The following RIMS2 variants were observed in gnomAD, a reference collection of about 807,000 sequenced individuals.
The protein encoded by RIMS2 is regulating synaptic membrane exocytosis protein 2.
Under a neutral mutation model 174.4 loss-of-function variants are expected in RIMS2, and 59 were observed. The observed-to-expected ratio is 0.34, with a 90% CI of 0.27 to 0.42. The LOEUF is 0.42. Ranked by LOEUF, RIMS2 falls within the 10% of genes least tolerant of loss-of-function variation. The pLI, the probability that RIMS2 is intolerant of heterozygous loss-of-function variation, is 1.00. For synonymous variants in RIMS2, 606 were observed against 572.5 expected (o/e 1.06, Z -0.84); for missense variants, 1,620 against 1,666.3 (o/e 0.97, Z 0.48).
intron 2 of RIMS2, among the ~76,000 whole-genome samples, chr8:103,725,709 A>G (rs186452617): frequency 8.0e-4 from 122 of 152,294 alleles, no homozygotes; most frequent in African/African-American, 2.7e-3. Context: ...GTGGGCTTAT[A>G]TGTTTCTTTT....
intron 1 of RIMS2, among the ~76,000 whole-genome samples, chr8:103,681,532 G>T (rs2096880444): frequency 1.3e-5 from 2 of 151,690 alleles, no homozygotes; most frequent in South Asian, 4.1e-4. Context: ...TTAAAAAAGA[G>T]AATTAAAAAA....
chr8:103,603,460 G>T (rs544664510), intron 1 of RIMS2, among the ~76,000 whole-genome samples: 1 of 150,510 alleles, frequency 6.6e-6, no homozygotes, highest in Non-Finnish European at 1.5e-5. Context: ...ATAAACATAC[G>T]TGTGCATGTG....
chr8:104,234,567 A>G lies in RIMS2; in HGVS notation c.3335-10349A>G, dbSNP rs1432861867. The stretch of plus-strand genomic sequence containing the variant: ...AGCAACATCAGACAAGAAAAACAAG[A>G]AAGTACCAAAAAATTACAAATGCCA... On this transcript the variant is annotated intron_variant, in intron 19 of 23. Transcript: ENST00000504942. 5.4e-5 allele frequency among the ~76,000 whole-genome samples: 3 copies of G among 55,436 alleles called. No individual in the cohort carries two copies. In the East Asian group the frequency reaches 4.1e-3, roughly 76 times the overall value. The allele number at this position is 55,436 out of a possible 152,430, so 36.4% of individuals were successfully genotyped here. A position where few individuals can be genotyped will look rare whatever the true frequency, so the allele number is the denominator to read the frequency against.
At chr8:104,094,533 C>A in intron 19 of RIMS2, 2 of 700,560 alleles carry the variant, frequency 2.9e-6, no homozygotes, top group Middle Eastern at 4.6e-4. Flanking sequence ...AGAGATAGTT[C>A]ATGAGAAGGA....
At chr8:104,224,334 A>G (rs2099171649) in intron 19 of RIMS2, among the ~76,000 whole-genome samples, 1 of 152,208 alleles carries the variant, frequency 6.6e-6, no homozygotes, top group Admixed American at 6.5e-5. Context: ...TGTTTCAGCA[A>G]TGCCATTGTA....
chr8:103,775,778 A>G (rs2098309223), intron 3 of RIMS2, among the ~76,000 whole-genome samples: 1 of 152,178 alleles, frequency 6.6e-6, no homozygotes, highest in Non-Finnish European at 1.5e-5. Context: ...ATCTCTCTTA[A>G]AAAAGATGTT....
At chr8:103,922,195 A>G (rs1325750125) in intron 10 of RIMS2, among the ~76,000 whole-genome samples, 2 of 151,882 alleles carry the variant, frequency 1.3e-5, no homozygotes, top group African/African-American at 4.8e-5. Flanking sequence ...AACTTTAAGG[A>G]TATTTGGTGT....
chr8:103,564,455 A>G (rs1563798349), intron 1 of RIMS2, among the ~76,000 whole-genome samples: 1 of 152,184 alleles, frequency 6.6e-6, no homozygotes, highest in Non-Finnish European at 1.5e-5. Context: ...ACAGTAGGCC[A>G]TCTGCAAGCT....
intron 19 of RIMS2, among the ~76,000 whole-genome samples, chr8:104,045,297 T>C (rs2096674027): frequency 6.6e-6 from 1 of 151,844 alleles, no homozygotes; most frequent in Non-Finnish European, 1.5e-5. Context: ...AATGGAGGAA[T>C]TGATTACACA....
At chr8:103,730,027 G>T (rs1028426855) in intron 2 of RIMS2, among the ~76,000 whole-genome samples, 4 of 152,160 alleles carry the variant, frequency 2.6e-5, no homozygotes, top group Non-Finnish European at 5.9e-5. Context: ...TGCAGTTGTT[G>T]GATGCAGGCA....
chr8:104,038,469 A>G (rs1373406987), intron 19 of RIMS2, among the ~76,000 whole-genome samples: 2 of 151,872 alleles, frequency 1.3e-5, no homozygotes, highest in Non-Finnish European at 2.9e-5. Context: ...TAGTTATAGA[A>G]GAGTCTGGTA....
chr8:103,501,022 A>C, exon 1 of RIMS2: 1 of 1,610,624 alleles, frequency 6.2e-7, no homozygotes, highest in South Asian at 1.1e-5. Flanking sequence ...CGTCATGGAT[A>C]GGCAGAAGAA....
At chr8:103,600,553 G>A (rs1001082537) in intron 1 of RIMS2, among the ~76,000 whole-genome samples, 1 of 152,150 alleles carries the variant, frequency 6.6e-6, no homozygotes, top group African/African-American at 2.4e-5. Flanking sequence ...TTACAGGCGT[G>A]AGCCACCATG....
chr8:103,609,816 C>CT (rs995141951), intron 1 of RIMS2, among the ~76,000 whole-genome samples: 3 of 152,102 alleles, frequency 2.0e-5, no homozygotes, highest in African/African-American at 7.2e-5. Context: ...TATTTCTGCT[C>CT]TTTTTTGCTT....
chr8:104,144,883 G>T (rs2098619689), intron 19 of RIMS2, among the ~76,000 whole-genome samples: 1 of 151,958 alleles, frequency 6.6e-6, no homozygotes. Flanking sequence ...TCTGGGATTT[G>T]AATTTACCTG....
At chr8:104,058,962 G>T (rs567069989) in intron 19 of RIMS2, among the ~76,000 whole-genome samples, 20 of 152,172 alleles carry the variant, frequency 1.3e-4, no homozygotes, top group African/African-American at 4.8e-4. Context: ...TGCTGTTTTG[G>T]TTACTGTAGC....
In RIMS2 at chr8:104,013,434, C is replaced by T. The variant is rs545680982; in HGVS notation, c.3045-8C>T. ...ATCAACTGAGCTGCTTTTTGACTAA[C>T]GTTTCAGGGATTGTGAAGCAGCAGA... is the stretch of plus-strand genomic sequence containing the variant. On this transcript the variant is annotated splice_polypyrimidine_tract_variant and splice_region_variant and intron_variant, in intron 17 of 23. Transcript: ENST00000504942. 27 of 1,612,418 alleles carry T rather than the reference C, an allele frequency of 1.7e-5. No homozygotes were observed. The highest frequency in any genetic ancestry group is 9.9e-5 in the South Asian group (9 of 90,922).
At chr8:104,169,199 T>A (rs2098815973) in intron 19 of RIMS2, among the ~76,000 whole-genome samples, 1 of 151,450 alleles carries the variant, frequency 6.6e-6, no homozygotes, top group African/African-American at 2.4e-5. Flanking sequence ...TTCCTCTTTC[T>A]CTGTCTTTTG....
At chr8:103,619,208 GAGTATCTTAGAAA>G (rs1461927800) in intron 1 of RIMS2, among the ~76,000 whole-genome samples, 1 of 151,370 alleles carries the variant, frequency 6.6e-6, no homozygotes, top group Non-Finnish European at 1.5e-5. Flanking sequence ...TATGAAGTAA[GAGTATCTTAGAAA>G]AGTATCTTAG....
Sources: allele counts gnomAD v4.1 joint callset (sites outside exome capture counted in the v4.1 genomes callset), GRCh38; gene constraint gnomAD v4.1.1; transcripts MANE v1.5; gene names NCBI Gene and HGNC (gene_info 2026-07-23, HGNC 2026-07-21).